The following PRKN variants were observed in gnomAD, a reference collection of about 807,000 sequenced individuals.
The protein encoded by PRKN is E3 ubiquitin-protein ligase parkin.
In PRKN, 56 loss-of-function variants were observed where a neutral mutation model predicts 59.5. The ratio of observed to expected loss-of-function variants is 0.94; its 90% CI spans 0.76 to 1.18. The LOEUF is 1.18. Among genes scored for constraint, PRKN ranks in the 50% most tolerant of loss-of-function variants. The probability of loss-of-function intolerance (pLI) is 0.00; values close to 1 mark genes in which losing one functional copy is unlikely to be tolerated. For synonymous variants in PRKN, 250 were observed against 222.1 expected (o/e 1.13, Z -1.12); for missense variants, 657 against 596.4 (o/e 1.10, Z -1.06).
At chr6:162,380,294 A>G (rs1353146333) in intron 2 of PRKN, among the ~76,000 whole-genome samples, 1 of 151,640 alleles carries the variant, frequency 6.6e-6, no homozygotes, top group Non-Finnish European at 1.5e-5. Flanking sequence ...TCTCAAAGGA[A>G]CACAGAGTTC....
At chr6:161,685,997 T>G (rs1345697623) in intron 7 of PRKN, among the ~76,000 whole-genome samples, 4 of 149,438 alleles carry the variant, frequency 2.7e-5, no homozygotes, top group Admixed American at 1.4e-4. Context: ...TATGTAAATA[T>G]AAGCATTATT....
intron 10 of PRKN, among the ~76,000 whole-genome samples, chr6:161,370,232 AACAC>A (rs532059638): frequency 1.3e-5 from 2 of 150,658 alleles, no homozygotes; most frequent in Non-Finnish European, 3.0e-5. Context: ...TGTCTCTATA[AACAC>A]ACACACACAC....
chr6:161,429,279 G>A lies in PRKN; in HGVS notation c.1084-42402C>T, dbSNP rs971521178. Among the ~76,000 whole-genome samples, 2 of 152,172 alleles carry A rather than the reference G, an allele frequency of 1.3e-5. No individual in the cohort carries two copies. Among genetic ancestry groups the A allele is most frequent in the South Asian group, 2.1e-4 (1 of 4,832 alleles). ...CTGAGACATGCTAGGTGCTGGGCTA[G>A]GTGTGGAATACAATGGTAAACAAGA... On this transcript the variant is annotated intron_variant, in intron 9 of 11. Transcript: ENST00000366898. This position sits in a 1 kb window ranked among gnomAD's most constrained non-coding sequence, Gnocchi z 4.2.
chr6:161,989,802 T>C (rs1248884646), intron 5 of PRKN, among the ~76,000 whole-genome samples: 2 of 152,006 alleles, frequency 1.3e-5, no homozygotes, highest in Non-Finnish European at 2.9e-5. Context: ...CCCACATACT[T>C]TGACTGTGGG....
Position 161,593,615 on chromosome 6 carries a change from G to A in PRKN, c.872-24199C>T, listed in dbSNP as rs928796812. 6.6e-6 allele frequency among the ~76,000 whole-genome samples: 1 copy of A among 152,184 alleles called. No individual in the cohort carries two copies. The highest frequency in any genetic ancestry group is 1.5e-5 in the Non-Finnish European group (1 of 68,030). On this transcript the variant is annotated intron_variant, in intron 7 of 11. Transcript: ENST00000366898. The surrounding 1 kb of genome is among the most constrained non-coding windows in gnomAD (Gnocchi z 4.8). ...CCCTGTGGAGCAGACAAAGGAAAAG[G>A]AGGCAGGGGTTGCGCTGCCACTTTT...
At chr6:162,211,088 A>C (rs867735182) in intron 3 of PRKN, among the ~76,000 whole-genome samples, 1 of 152,154 alleles carries the variant, frequency 6.6e-6, no homozygotes, top group South Asian at 2.1e-4. Context: ...TAGAAAGCAC[A>C]AGCTTTCCTT....
chr6:162,194,841 G>A (rs532605355), intron 4 of PRKN, among the ~76,000 whole-genome samples: 3 of 152,056 alleles, frequency 2.0e-5, no homozygotes, highest in Non-Finnish European at 4.4e-5. Context: ...GGCTCTTTGC[G>A]AGGTGAGTGT....
chr6:162,589,937 C>A (rs1781233134), intron 1 of PRKN, among the ~76,000 whole-genome samples: 1 of 152,180 alleles, frequency 6.6e-6, no homozygotes, highest in African/African-American at 2.4e-5. Flanking sequence ...ATTAAGTAAG[C>A]ACTTTAAAAA....
intron 9 of PRKN, among the ~76,000 whole-genome samples, chr6:161,426,328 G>A (rs1294920692): frequency 2.6e-5 from 4 of 152,152 alleles, no homozygotes; most frequent in African/African-American, 9.7e-5. Context: ...CTGTGAGGGT[G>A]TTGTCAAAGG....
chr6:162,681,806 C>A (rs953223221), intron 1 of PRKN, among the ~76,000 whole-genome samples: 1 of 151,978 alleles, frequency 6.6e-6, no homozygotes, highest in Non-Finnish European at 1.5e-5. Flanking sequence ...TATTTGGACC[C>A]AAGAATATTC....
chr6:161,922,411 T>C (rs1472618749), intron 6 of PRKN, among the ~76,000 whole-genome samples: 2 of 152,192 alleles, frequency 1.3e-5, no homozygotes, highest in Non-Finnish European at 1.5e-5. Flanking sequence ...TTTCTCACAT[T>C]GCATGCAAAC....
chr6:162,305,473 T>C (rs538330484), intron 2 of PRKN, among the ~76,000 whole-genome samples: 1 of 152,304 alleles, frequency 6.6e-6, no homozygotes, highest in East Asian at 1.9e-4. Context: ...TGTCCAGTTG[T>C]TTTTACTTCT....
intron 1 of PRKN, among the ~76,000 whole-genome samples, chr6:162,454,646 G>A (rs1046744183): frequency 1.3e-5 from 2 of 152,182 alleles, no homozygotes; most frequent in South Asian, 2.1e-4. Flanking sequence ...ACGTGCCAAT[G>A]GAAAGTTCTC....
At chr6:162,150,752 A>C (rs1015792513) in intron 4 of PRKN, among the ~76,000 whole-genome samples, 2 of 152,180 alleles carry the variant, frequency 1.3e-5, no homozygotes, top group African/African-American at 4.8e-5. Context: ...GGAAAGGAAG[A>C]AATGTTTAAG....
chr6:161,690,202 AC>A (rs1785727796), intron 7 of PRKN, among the ~76,000 whole-genome samples: 1 of 152,088 alleles, frequency 6.6e-6, no homozygotes, highest in African/African-American at 2.4e-5. Context: ...TCTCTACCAG[AC>A]TTTTTACTGT....
At chr6:162,212,152 T>G (rs528310862) in intron 3 of PRKN, among the ~76,000 whole-genome samples, 1 of 152,154 alleles carries the variant, frequency 6.6e-6, no homozygotes, top group African/African-American at 2.4e-5. Flanking sequence ...AAGACCTCAC[T>G]CAGGGGCCGC....
chr6:161,536,628 T>C (rs1456098836), intron 9 of PRKN, among the ~76,000 whole-genome samples: 1 of 152,184 alleles, frequency 6.6e-6, no homozygotes, highest in African/African-American at 2.4e-5. Context: ...GGAAGGTGCA[T>C]AGCCTATAGA....
intron 4 of PRKN, among the ~76,000 whole-genome samples, chr6:162,148,801 C>T (rs1273981454): frequency 6.6e-6 from 1 of 152,018 alleles, no homozygotes; most frequent in Non-Finnish European, 1.5e-5. Context: ...TTCTCAGATA[C>T]AAGACAAAAA....
chr6:162,154,004 G>C (rs1043731220), intron 4 of PRKN, among the ~76,000 whole-genome samples: 1 of 152,182 alleles, frequency 6.6e-6, no homozygotes. Context: ...TGGGCCATGG[G>C]TTCAGGCTTT....
Sources: gnomAD v4.1 joint callset for allele counts (sites outside exome capture counted in the v4.1 genomes callset) on GRCh38, gnomAD v4.1.1 for gene constraint, Gnocchi (gnomAD v3.1) non-coding constraint, MANE v1.5 for transcripts, NCBI Gene and HGNC (gene_info 2026-07-23, HGNC 2026-07-21) for gene names.